Variants in SIPA1L3 observed in about 807,000 individuals in gnomAD.
The protein encoded by SIPA1L3 is signal-induced proliferation-associated 1-like protein 3.
In SIPA1L3, 59 loss-of-function variants were observed where a neutral mutation model predicts 150.1. The ratio of observed to expected loss-of-function variants is 0.39; its 90% CI spans 0.32 to 0.49. The LOEUF is 0.49. Ranked by LOEUF, SIPA1L3 falls within the 20% of genes least tolerant of loss-of-function variation. The pLI, the probability that SIPA1L3 is intolerant of heterozygous loss-of-function variation, is 0.86. For missense variants in SIPA1L3, 2,211 were observed against 2,489.5 expected (o/e 0.89, Z 2.38); for synonymous variants, 1,070 against 1,077.6 (o/e 0.99, Z 0.14).
chr19:37,945,086 T>C (rs2046698114), intron 1 of SIPA1L3, among the ~76,000 whole-genome samples: 1 of 152,222 alleles, frequency 6.6e-6, no homozygotes, highest in African/African-American at 2.4e-5. Flanking sequence ...ACATAAAGCC[T>C]ATTTTATAGT....
intron 1 of SIPA1L3, among the ~76,000 whole-genome samples, chr19:37,989,726 C>T (rs1305794898): frequency 3.5e-5 from 5 of 144,726 alleles, no homozygotes. Flanking sequence ...AGTGCAATGG[C>T]GTGATCTCAG....
chr19:38,078,486 A>G (rs1160827310), intron 2 of SIPA1L3, among the ~76,000 whole-genome samples: 1 of 150,716 alleles, frequency 6.6e-6, no homozygotes, highest in East Asian at 1.9e-4. Flanking sequence ...ACAGACATGC[A>G]CACACACACA....
At chr19:38,084,270 C>T (rs1970073421) in intron 3 of SIPA1L3, among the ~76,000 whole-genome samples, 1 of 152,170 alleles carries the variant, frequency 6.6e-6, no homozygotes, top group African/African-American at 2.4e-5. Flanking sequence ...CTTGTCAAGT[C>T]AACCCCCTTA....
intron 9 of SIPA1L3, among the ~76,000 whole-genome samples, chr19:38,120,723 T>A (rs1360922262): frequency 2.6e-5 from 4 of 152,326 alleles, no homozygotes; most frequent in East Asian, 3.9e-4. Context: ...CCTAAACCCC[T>A]CGTGGACAAA....
chr19:38,188,268 C>T (rs1972731944), intron 16 of SIPA1L3, among the ~76,000 whole-genome samples: 1 of 151,706 alleles, frequency 6.6e-6, no homozygotes, highest in Non-Finnish European at 1.5e-5. Flanking sequence ...TCACTGCAGC[C>T]TCTGCCTCCT....
chr19:38,203,166 C>A (rs1301784385), intron 20 of SIPA1L3, among the ~76,000 whole-genome samples: 1 of 152,188 alleles, frequency 6.6e-6, no homozygotes, highest in Admixed American at 6.5e-5. Flanking sequence ...CGAACGTAGG[C>A]CCCACTGTAA....
chr19:38,202,346 G>A (rs989417778), intron 20 of SIPA1L3, among the ~76,000 whole-genome samples: 2 of 152,302 alleles, frequency 1.3e-5, no homozygotes, highest in Non-Finnish European at 2.9e-5. Flanking sequence ...CCAGCACTTT[G>A]GGAGGCCAAG....
At chr19:38,201,680 G>A (rs1044530135) in intron 19 of SIPA1L3, among the ~76,000 whole-genome samples, 182 bp from the exon 20 acceptor site, 1 of 152,184 alleles carries the variant, frequency 6.6e-6, no homozygotes, top group East Asian at 1.9e-4. Flanking sequence ...TTTTGATTGT[G>A]TTCTTGTTTT....
At chr19:38,011,011 A>G (rs1347168954) in intron 1 of SIPA1L3, among the ~76,000 whole-genome samples, 1 of 152,226 alleles carries the variant, frequency 6.6e-6, no homozygotes, top group East Asian at 1.9e-4. Flanking sequence ...CACTGAGAAG[A>G]CATGGATGTG....
At chr19:37,993,302 A>G (rs529477638) in intron 1 of SIPA1L3, among the ~76,000 whole-genome samples, 15 of 152,186 alleles carry the variant, frequency 9.9e-5, no homozygotes, top group African/African-American at 3.6e-4. Flanking sequence ...GAAAGTTCTC[A>G]TTGTGCGTTG....
rs1972292389 is a variant in SIPA1L3 at position 38,170,011 on chromosome 19, C to T, written c.4208+5105C>T. 2.1e-5 allele frequency among the ~76,000 whole-genome samples: 3 copies of T among 143,102 alleles called. No homozygotes were observed. The South Asian group carries it at 6.7e-4, about 32-fold the overall frequency. The allele number at this position is 143,102 out of a possible 152,430, so 93.9% of individuals were successfully genotyped here. ...AGATGAGGGGCCCAGGTAGAGGGGC[C>T]AGGGTGGGCTGGAGGGGGGCCAGGC... On this transcript the variant is annotated intron_variant, in intron 15 of 21. Coordinates refer to ENST00000222345, the MANE Select transcript of SIPA1L3 (RefSeq NM_015073.3).
At chr19:37,986,409 C>T (rs1231445283) in intron 1 of SIPA1L3, among the ~76,000 whole-genome samples, 5 of 152,330 alleles carry the variant, frequency 3.3e-5, no homozygotes, top group African/African-American at 1.2e-4. Flanking sequence ...CACTTGCATT[C>T]GACTTCTGTT....
At chr19:38,036,126 T>C (rs1968777967) in intron 2 of SIPA1L3, among the ~76,000 whole-genome samples, 1 of 152,124 alleles carries the variant, frequency 6.6e-6, no homozygotes, top group Admixed American at 6.5e-5. Flanking sequence ...GCCTCAAGAG[T>C]GTAGGCTGCC....
At chr19:38,004,910 G>A (rs1967901487) in intron 1 of SIPA1L3, among the ~76,000 whole-genome samples, 1 of 152,098 alleles carries the variant, frequency 6.6e-6, no homozygotes, top group Admixed American at 6.6e-5. Flanking sequence ...TACTGGACAG[G>A]AAGCCTGGCC....
chr19:38,092,933 C>T (rs979658435), intron 4 of SIPA1L3, among the ~76,000 whole-genome samples: 3 of 149,468 alleles, frequency 2.0e-5, no homozygotes, highest in African/African-American at 7.4e-5. Context: ...GATCTCTGCT[C>T]ACCACAAGCT....
At chr19:37,950,034 G>A (rs982432672) in intron 1 of SIPA1L3, among the ~76,000 whole-genome samples, 4 of 136,534 alleles carry the variant, frequency 2.9e-5, no homozygotes, top group South Asian at 4.5e-4. Flanking sequence ...CCAAGATGGC[G>A]CCATTGCACT....
At chr19:38,055,356 T>A (rs1419188526) in intron 2 of SIPA1L3, among the ~76,000 whole-genome samples, 5 of 152,202 alleles carry the variant, frequency 3.3e-5, no homozygotes, top group African/African-American at 1.2e-4. Flanking sequence ...CATGTCACTC[T>A]CAGCCTCATG....
At chr19:38,037,003 A>G (rs1310188127) in intron 2 of SIPA1L3, among the ~76,000 whole-genome samples, 1 of 152,218 alleles carries the variant, frequency 6.6e-6, no homozygotes, top group Admixed American at 6.5e-5. Context: ...GACTAGAAAT[A>G]CGATACTCAG....
At chr19:37,997,682 C>T (rs1385677310) in intron 1 of SIPA1L3, among the ~76,000 whole-genome samples, 1 of 151,200 alleles carries the variant, frequency 6.6e-6, no homozygotes, top group Non-Finnish European at 1.5e-5. Context: ...TCCTGGCCAA[C>T]ATGGTGAAAC....
Sources: gnomAD v4.1 joint callset for allele counts (sites outside exome capture counted in the v4.1 genomes callset) on GRCh38, gnomAD v4.1.1 for gene constraint, MANE v1.5 for transcripts, NCBI Gene and HGNC (gene_info 2026-07-23, HGNC 2026-07-21) for gene names.